Variants in EFNB2 observed in about 807,000 individuals in gnomAD.
The protein encoded by EFNB2 is ephrin B2, also known as ephrin-B2.
In EFNB2, 5 loss-of-function variants were observed where a neutral mutation model predicts 32.1. The ratio of observed to expected loss-of-function variants is 0.16; its 90% CI spans 0.08 to 0.33. The LOEUF is 0.33. EFNB2 is among the 10% of genes least tolerant of loss of function. The pLI, the probability that EFNB2 is intolerant of heterozygous loss-of-function variation, is 1.00. For missense variants in EFNB2, 263 were observed against 422.6 expected (o/e 0.62, Z 3.31); for synonymous variants, 168 against 166.5 (o/e 1.01, Z -0.07).
chr13:106,496,237 A>C (rs1878585667), intron 2 of EFNB2, among the ~76,000 whole-genome samples: 1 of 152,146 alleles, frequency 6.6e-6, no homozygotes, highest in Admixed American at 6.5e-5. Context: ...TCATCCCCCC[A>C]CACCTGCTTC....
At chr13:106,502,274 T>C (rs1878807759) in intron 2 of EFNB2, among the ~76,000 whole-genome samples, 1 of 152,206 alleles carries the variant, frequency 6.6e-6, no homozygotes, top group African/African-American at 2.4e-5. Context: ...TAAAATTGAG[T>C]CACAGTTTAG....
intron 1 of EFNB2, among the ~76,000 whole-genome samples, chr13:106,515,170 G>A (rs941242314): frequency 6.6e-6 from 1 of 152,164 alleles, no homozygotes; most frequent in Non-Finnish European, 1.5e-5. Context: ...CGGTGAGGTC[G>A]AGAACATGGG....
intron 1 of EFNB2, among the ~76,000 whole-genome samples, chr13:106,522,086 A>T (rs1375848410): frequency 2.0e-5 from 3 of 152,106 alleles, no homozygotes; most frequent in Admixed American, 6.5e-5. Flanking sequence ...ACCCCAAAAA[A>T]ATCAGCCTAT....
At chr13:106,494,491 A>C (rs534018814) in intron 4 of EFNB2, among the ~76,000 whole-genome samples, 45 of 152,356 alleles carry the variant, frequency 3.0e-4, no homozygotes, top group African/African-American at 1.1e-3. Context: ...GAAGAGGATC[A>C]ATTAAACCCT....
At chr13:106,528,648 G>A (rs1054605031) in intron 1 of EFNB2, among the ~76,000 whole-genome samples, 1 of 152,140 alleles carries the variant, frequency 6.6e-6, no homozygotes, top group Admixed American at 6.5e-5. Context: ...CCAAATAGGG[G>A]GCAATCGAGC....
At chr13:106,522,670 C>T (rs1275665580) in intron 1 of EFNB2, among the ~76,000 whole-genome samples, 1 of 149,644 alleles carries the variant, frequency 6.7e-6, no homozygotes, top group Non-Finnish European at 1.5e-5. Context: ...CCATCCCTTT[C>T]CTTCCTACCA....
At chr13:106,498,801 G>A (rs545436852) in intron 2 of EFNB2, among the ~76,000 whole-genome samples, 237 of 152,072 alleles carry the variant, frequency 1.6e-3, no homozygotes, top group Non-Finnish European at 2.9e-3. Context: ...TTGCCACGTG[G>A]GGAGCAAAAG....
rs1880046045 is a variant in EFNB2 at position 106,535,441 on chromosome 13, CCA to C, written c.-479_-478del. On this transcript the variant is annotated 5_prime_UTR_variant, in exon 1 of 5. An upstream start codon of the reference 5' UTR is lost. Coordinates refer to ENST00000646441, the MANE Select transcript of EFNB2 (RefSeq NM_004093.4). ...GCGCGGGCGCCGCGTCGGCGCGGTT[CCA>C]TGTCCCGGAGCACGGAGCGGAGTAG... The C allele has an allele frequency of 6.7e-6, 1 of 150,354 alleles. No homozygotes were observed. Among genetic ancestry groups the C allele is most frequent in the Non-Finnish European group, 1.5e-5 (1 of 67,580 alleles). 9.3% of individuals were successfully genotyped at this position (150,354 alleles called of 1,614,324 possible). A position where few individuals can be genotyped will look rare whatever the true frequency, so the allele number is the denominator to read the frequency against.
chr13:106,535,605 C>A lies in EFNB2; in HGVS notation c.-641G>T, dbSNP rs1298314919. 1 of 150,620 alleles carries A rather than the reference C, an allele frequency of 6.6e-6. No individual in the cohort carries two copies. The highest frequency in any genetic ancestry group is 1.5e-5 in the Non-Finnish European group (1 of 67,524). 9.3% of individuals were successfully genotyped at this position (150,620 alleles called of 1,614,324 possible). A position where few individuals can be genotyped will look rare whatever the true frequency, so the allele number is the denominator to read the frequency against. Reference sequence around the variant, plus strand: ...TGTGCGGGGAGGGCGCCGGGACCCGCTGCGTGCGCAGCTCCTCGCTCCGGC... The same window carrying A: ...TGTGCGGGGAGGGCGCCGGGACCCGATGCGTGCGCAGCTCCTCGCTCCGGC... On this transcript the variant is annotated 5_prime_UTR_variant, in exon 1 of 5. Coordinates refer to ENST00000646441, the MANE Select transcript of EFNB2 (RefSeq NM_004093.4).
rs1055947691 is a variant in EFNB2 at position 106,535,337 on chromosome 13, C to G, written c.-373G>C. 1.3e-5 allele frequency: 2 copies of G among 150,950 alleles called. No homozygotes were observed. Among genetic ancestry groups the G allele is most frequent in the Non-Finnish European group, 3.0e-5 (2 of 67,748 alleles). The allele number at this position is 150,950 out of a possible 1,614,324, so 9.4% of individuals were successfully genotyped here. On this transcript the variant is annotated 5_prime_UTR_variant, in exon 1 of 5. Coordinates refer to ENST00000646441, the MANE Select transcript of EFNB2 (RefSeq NM_004093.4). The stretch of plus-strand genomic sequence containing the variant: ...CACAAAGACCCGGAGCGGAGACGAC[C>G]GGCGCGGGCGGCGGGCGCTGCGCCC...
At chr13:106,534,696 G>A (rs1284429967) in intron 1 of EFNB2, 147 bp downstream of exon 1, 2 of 908,350 alleles carry the variant, frequency 2.2e-6, no homozygotes, top group African/African-American at 3.7e-5. Context: ...TCCACCTAGT[G>A]AAATGGGGCG....
chr13:106,508,615 G>A (rs1349947200), intron 2 of EFNB2, among the ~76,000 whole-genome samples: 5 of 152,210 alleles, frequency 3.3e-5, no homozygotes, highest in Admixed American at 2.0e-4. Context: ...CTTAGGTGGG[G>A]CTATGTCTTG....
Position 106,490,818 on chromosome 13 carries a change from T to TAC in EFNB2, c.*2220_*2221dup, listed in dbSNP as rs1277035795. On this transcript the variant is annotated 3_prime_UTR_variant, in exon 5 of 5. Coordinates refer to ENST00000646441, the MANE Select transcript of EFNB2 (RefSeq NM_004093.4). The stretch of plus-strand genomic sequence containing the variant: ...TGTATACCACGCACCCACTCACACA[T>TAC]ACACACACGCACTTTGGACCAACAT... The TAC allele has an allele frequency of 6.6e-6, 1 of 152,342 alleles. No homozygotes were observed. Among genetic ancestry groups the TAC allele is most frequent in the Non-Finnish European group, 1.5e-5 (1 of 67,986 alleles). The allele number at this position is 152,342 out of a possible 1,614,324, so 9.4% of individuals were successfully genotyped here. A position where few individuals can be genotyped will look rare whatever the true frequency, so the allele number is the denominator to read the frequency against.
At chr13:106,524,969 C>T (rs961755813) in intron 1 of EFNB2, among the ~76,000 whole-genome samples, 3 of 152,156 alleles carry the variant, frequency 2.0e-5, no homozygotes, top group Non-Finnish European at 4.4e-5. Flanking sequence ...AAGTATTATG[C>T]TATAGTCTTT....
chr13:106,519,934 GATAA>G (rs1396742168), intron 1 of EFNB2: 1 of 152,166 alleles, frequency 6.6e-6, no homozygotes, highest in East Asian at 1.9e-4. Flanking sequence ...CTAACAAGCA[GATAA>G]ATAAAATTAT....
At chr13:106,504,521 A>G (rs16968788) in intron 2 of EFNB2, among the ~76,000 whole-genome samples, 6,685 of 152,276 alleles carry the variant, frequency 0.044, 512 homozygotes, top group African/African-American at 0.15. Flanking sequence ...TGCCCTACAC[A>G]TGAACCTTAT....
rs768377153 is a variant in EFNB2, at chr13:106,512,667, T to C, written c.268A>G (p.Thr90Ala). Reference protein sequence around the residue: ...MVDKDQADRCTIKKENTPLLN... With the variant: ...MVDKDQADRCAIKKENTPLLN... ...AGAGGGGTATTTTCCTTCTTAATAGTGCATCTGTCTGCTTGGTCTTTATCA... is the reference window on the plus strand; with the variant it reads ...AGAGGGGTATTTTCCTTCTTAATAGCGCATCTGTCTGCTTGGTCTTTATCA... Residue 90 changes from threonine (T) to alanine (A), a missense_variant, in exon 2 of 5, where the codon ACT (threonine) becomes GCT (alanine). By Grantham distance (58) the Thr-to-Ala change is moderately conservative. Around this residue, in one of 3 missense-constraint regions of EFNB2, gnomAD observed 45 missense variants for 128.6 expected, o/e 0.35. Transcript: ENST00000646441. The C allele has an allele frequency of 4.3e-6, 7 of 1,613,818 alleles. No homozygotes were observed. Among genetic ancestry groups the C allele is most frequent in the Non-Finnish European group, 5.9e-6 (7 of 1,179,964 alleles).
chr13:106,530,374 C>T (rs1316578079), intron 1 of EFNB2, among the ~76,000 whole-genome samples: 1 of 152,102 alleles, frequency 6.6e-6, no homozygotes, highest in Admixed American at 6.5e-5. Flanking sequence ...AACAGTTGAG[C>T]ACTCCTCTTT....
intron 2 of EFNB2, among the ~76,000 whole-genome samples, chr13:106,511,971 G>A (rs961928645): frequency 4.6e-5 from 7 of 152,088 alleles, no homozygotes; most frequent in African/African-American, 9.7e-5. Flanking sequence ...ACCAAGTTTC[G>A]TCTTTTTCTT....
Sources: gnomAD v4.1 joint callset for allele counts (sites outside exome capture counted in the v4.1 genomes callset) on GRCh38, gnomAD v4.1.1 for gene constraint, gnomAD v4.1.1 regional missense constraint, MANE v1.5 for transcripts, NCBI Gene and HGNC (gene_info 2026-07-23, HGNC 2026-07-21) for gene names.